The following AGBL5 variants were observed in gnomAD, a reference collection of about 807,000 sequenced individuals.
AGBL5 encodes the protein AGBL carboxypeptidase 5.
AGBL5 carries 51 observed loss-of-function variants against 88.0 expected under a neutral mutation model. The observed-to-expected ratio is 0.58, with a 90% CI of 0.46 to 0.73. The LOEUF is 0.73. Among genes scored for constraint, AGBL5 ranks in the 30% least tolerant of loss-of-function variants. The pLI is 0.00. For synonymous variants in AGBL5, 446 were observed against 438.8 expected, an observed-to-expected ratio of 1.02 and a Z score of -0.21; for missense variants, 1,031 against 1,162.2, an observed-to-expected ratio of 0.89 and a Z score of 1.64.
rs1669196899 is a variant in AGBL5, at chr2:27,069,961, C to T, written c.2490-131C>T. 6 of 1,511,258 alleles carry T rather than the reference C, an allele frequency of 4.0e-6. No homozygotes were observed. In the Admixed American group the frequency reaches 1.1e-4, roughly 28 times the overall value. The allele number at this position is 1,511,258 out of a possible 1,614,324, so 93.6% of individuals were successfully genotyped here. On this transcript the variant is annotated intron_variant, in intron 14 of 14. Coordinates refer to ENST00000360131, the MANE Select transcript of AGBL5 (RefSeq NM_021831.6). ...CTGGTTCCAGCGTCAAACCACTGTG[C>T]AGTAACCAACTTGCCCATCCTTACC...
chr2:27,053,832 C>T lies in AGBL5; in HGVS notation c.388-64C>T. ...GGGTGTGAGGTCAGTTCCTGGTGGT[C>T]CCAGTAGGAGCTCAGTTCTGACAAT... is the stretch of plus-strand genomic sequence containing the variant. On this transcript the variant is annotated intron_variant, in intron 3 of 14. Transcript: ENST00000360131. This position sits in a 1 kb window ranked among gnomAD's most constrained non-coding sequence, Gnocchi z 4.9. 1 of 1,549,516 alleles carries T rather than the reference C, an allele frequency of 6.5e-7. No homozygotes were observed. The highest frequency in any genetic ancestry group is 1.9e-5 in the Admixed American group (1 of 53,896).
chr2:27,052,771 C>T lies in AGBL5; in HGVS notation c.-46-142C>T, dbSNP rs140340804. 126 of 490,936 alleles carry T rather than the reference C, an allele frequency of 2.6e-4. No homozygotes were observed. In the Middle Eastern group the frequency reaches 3.2e-3, roughly 12 times the overall value. 30.4% of individuals were successfully genotyped at this position (490,936 alleles called of 1,614,324 possible). Reference sequence around the variant, plus strand: ...TCTCTTGGCCTTTGCTGGAAGACCACTTCTATGTTTTCTAAGAGGGAGACA... The same window carrying T: ...TCTCTTGGCCTTTGCTGGAAGACCATTTCTATGTTTTCTAAGAGGGAGACA... On this transcript the variant is annotated intron_variant, in intron 1 of 14. Transcript: ENST00000360131.
At chr2:27,069,732 C>T (rs1480284275) in intron 14 of AGBL5, 26 bp downstream of exon 14, 5 of 1,596,002 alleles carry the variant, frequency 3.1e-6, no homozygotes, top group Non-Finnish European at 4.3e-6. Context: ...CAGTCCCTCA[C>T]ACCACCCCTC....
In AGBL5 at chr2:27,069,946, C is replaced by CGTCAAACCA. The variant is rs1669195762; in HGVS notation, c.2490-145_2490-137dup. The CGTCAAACCA allele has an allele frequency of 3.4e-6, 5 of 1,489,322 alleles. No homozygotes were observed. In the South Asian group the frequency reaches 7.0e-5, roughly 21 times the overall value. 92.3% of individuals were successfully genotyped at this position (1,489,322 alleles called of 1,614,324 possible). On this transcript the variant is annotated intron_variant, in intron 14 of 14. Coordinates refer to ENST00000360131, the MANE Select transcript of AGBL5 (RefSeq NM_021831.6). ...AGGTCTAGGAGCTGGCTGGTTCCAG[C>CGTCAAACCA]GTCAAACCACTGTGCAGTAACCAAC... is the stretch of plus-strand genomic sequence containing the variant.
At chr2:27,069,329 G>A in intron 13 of AGBL5, 2 of 985,392 alleles carry the variant, frequency 2.0e-6, no homozygotes, top group Non-Finnish European at 2.4e-6. Context: ...GTGTAGCCAT[G>A]GCGGTTAAAT....
chr2:27,054,678 G>A lies in AGBL5; in HGVS notation c.600G>A (p.Leu200=). ...ATCGGGAGCTCCTTTGCTATTCTCT[G>A]GATGGACTTCGTGTAGATCTGCTGA... ...YYHRELLCYS[L]DGLRVDLLTI... The change falls in exon 5 of 15, where the codon CTG becomes CTA. Residue 200 remains leucine (L), a synonymous_variant. Coordinates refer to ENST00000360131, the MANE Select transcript of AGBL5 (RefSeq NM_021831.6). 1 of 1,614,034 alleles carries A rather than the reference G, an allele frequency of 6.2e-7. No homozygotes were observed. Among genetic ancestry groups the A allele is most frequent in the Non-Finnish European group, 8.5e-7 (1 of 1,180,000 alleles).
rs188164829 is a variant in AGBL5 at position 27,069,142 on chromosome 2, C to T, written c.2355+398C>T. On this transcript the variant is annotated intron_variant, in intron 13 of 14. Transcript: ENST00000360131. ...CTAGGAACAGCCCTGCCACCAACTC[C>T]GATTCAGTCCAGATCCCCATGCTAG... 607 of 1,337,850 alleles carry T rather than the reference C, an allele frequency of 4.5e-4. 2 individuals carry two copies. The highest frequency in any genetic ancestry group is 1.5e-3 in the Admixed American group (68 of 44,764). 82.9% of individuals were successfully genotyped at this position (1,337,850 alleles called of 1,614,324 possible). A position where few individuals can be genotyped will look rare whatever the true frequency, so the allele number is the denominator to read the frequency against.
intron 13 of AGBL5, chr2:27,068,962 G>T (rs2148306922): frequency 6.7e-7 from 1 of 1,490,318 alleles, no homozygotes; most frequent in Non-Finnish European, 8.9e-7. Context: ...TTCAACCTGT[G>T]TCCCTGCCAG....
rs1668269020 is a variant in AGBL5 at position 27,053,346 on chromosome 2, G to A, written c.216-56G>A. ...TTTGGCTGGCTCCGGCTCTCCCACA[G>A]ACCATATCTCCAACCCTTCCACACG... On this transcript the variant is annotated intron_variant, in intron 2 of 14. Transcript: ENST00000360131. The surrounding 1 kb of genome is among the most constrained non-coding windows in gnomAD (Gnocchi z 4.9). The A allele has an allele frequency of 6.3e-7, 1 of 1,585,294 alleles. No homozygotes were observed. Among genetic ancestry groups the A allele is most frequent in the Non-Finnish European group, 8.6e-7 (1 of 1,163,688 alleles).
Position 27,053,261 on chromosome 2 carries a change from TC to T in AGBL5, c.215+91del, listed in dbSNP as rs1344226904. On this transcript the variant is annotated intron_variant, in intron 2 of 14. Transcript: ENST00000360131. The surrounding 1 kb of genome is among the most constrained non-coding windows in gnomAD (Gnocchi z 4.9). ...ACTTATCTGTTCATACCCAGCATAC[TC>T]CCTGTCCATTTCTGACCCATCGTCC... is the stretch of plus-strand genomic sequence containing the variant. 2.0e-5 allele frequency: 31 copies of T among 1,519,012 alleles called. No homozygotes were observed. In the African/African-American group the frequency reaches 2.9e-4, roughly 14 times the overall value. 94.1% of individuals were successfully genotyped at this position (1,519,012 alleles called of 1,614,324 possible).
upstream of AGBL5, among the ~76,000 whole-genome samples, chr2:27,051,244 C>G (rs760188179): frequency 6.6e-6 from 1 of 152,214 alleles, no homozygotes; most frequent in Admixed American, 6.5e-5. Flanking sequence ...AGAGCGCTCG[C>G]TTAGCATGCG....
intron 1 of AGBL5, chr2:27,052,159 C>G (rs1668187867): frequency 6.6e-6 from 1 of 152,236 alleles, no homozygotes; most frequent in Non-Finnish European, 1.5e-5. Context: ...GCTGAGAACA[C>G]CCATTACTCA....
In AGBL5 at chr2:27,070,321, T is replaced by TA; in HGVS notation, c.*59dup. On this transcript the variant is annotated 3_prime_UTR_variant, in exon 15 of 15. Transcript: ENST00000360131. ...CCCAAGATGGGGTAACAGTGGGAAA[T>TA]ATGCTAGTTCCCCTCCAGGCCGCTG... 6.4e-7 allele frequency: 1 copy of TA among 1,562,252 alleles called. No individual in the cohort carries two copies. The highest frequency in any genetic ancestry group is 8.8e-7 in the Non-Finnish European group (1 of 1,135,286).
chr2:27,067,268 A>AG (rs1419528844), intron 11 of AGBL5, among the ~76,000 whole-genome samples: 1 of 151,680 alleles, frequency 6.6e-6, no homozygotes, highest in Non-Finnish European at 1.5e-5. Flanking sequence ...AAAAAAAAAA[A>AG]AAAAAAACTA....
In AGBL5 at chr2:27,070,132, G is replaced by A. The variant is rs775251373; in HGVS notation, c.2530G>A (p.Ala844Thr). The change falls in exon 15 of 15, where the codon GCC becomes ACC. Residue 844 changes from alanine (A) to threonine (T), a missense_variant. By Grantham distance (58) the Ala-to-Thr change is moderately conservative. Transcript: ENST00000360131. ...ARPPRPRSAP[A>T]FSPISCSLSD... Reference sequence around the variant, plus strand: ...GCCCCCACGGCCCCGCTCTGCCCCTGCCTTTTCTCCTATATCCTGTAGTCT... The same window carrying A: ...GCCCCCACGGCCCCGCTCTGCCCCTACCTTTTCTCCTATATCCTGTAGTCT... The A allele has an allele frequency of 8.1e-6, 13 of 1,614,114 alleles. No homozygotes were observed. The highest frequency in any genetic ancestry group is 9.3e-6 in the Non-Finnish European group (11 of 1,179,996).
In AGBL5 at chr2:27,070,548, C is replaced by A; in HGVS notation, c.*285C>A. On this transcript the variant is annotated 3_prime_UTR_variant, in exon 15 of 15. Coordinates refer to ENST00000360131, the MANE Select transcript of AGBL5 (RefSeq NM_021831.6). ...GAAAAGCAAGCCCCTATACTGGGCC[C>A]TATTCAGTGGCAGCTTCTTGTTCCA... The A allele has an allele frequency of 2.8e-6, 1 of 355,044 alleles. No individual in the cohort carries two copies. Among genetic ancestry groups the A allele is most frequent in the East Asian group, 4.6e-5 (1 of 21,602 alleles). The allele number at this position is 355,044 out of a possible 1,614,324, so 22.0% of individuals were successfully genotyped here. A position where few individuals can be genotyped will look rare whatever the true frequency, so the allele number is the denominator to read the frequency against.
chr2:27,069,546 C>T, intron 13 of AGBL5, 27 bp from the exon 14 acceptor site: 3 of 1,604,122 alleles, frequency 1.9e-6, no homozygotes, highest in Non-Finnish European at 1.7e-6. Flanking sequence ...AGAATCCAGC[C>T]TCTTAGCGCA....
At chr2:27,069,508 A>G in intron 13 of AGBL5, 65 bp from the exon 14 acceptor site, 1 of 1,585,072 alleles carries the variant, frequency 6.3e-7, no homozygotes, top group South Asian at 1.1e-5. Context: ...AAACTCTAGA[A>G]GCAAACTAAA....
At chr2:27,052,763 G>T in intron 1 of AGBL5, 150 bp from the exon 2 acceptor site, 2 of 464,374 alleles carry the variant, frequency 4.3e-6, no homozygotes, top group Non-Finnish European at 3.7e-6. Flanking sequence ...GCCTTTGCTG[G>T]AAGACCACTT....
Sources: allele counts gnomAD v4.1 joint callset (sites outside exome capture counted in the v4.1 genomes callset), GRCh38; gene constraint gnomAD v4.1.1; non-coding constraint Gnocchi (gnomAD v3.1); transcripts MANE v1.5; gene names NCBI Gene and HGNC (gene_info 2026-07-23, HGNC 2026-07-21).